Variants in ATXN1 observed in about 807,000 individuals in gnomAD.
The protein encoded by ATXN1 is ataxin 1.
In ATXN1, 8 loss-of-function variants were observed where a neutral mutation model predicts 56.4. The observed-to-expected ratio is 0.14, with a 90% confidence interval of 0.08 to 0.26. The LOEUF (loss-of-function observed/expected upper bound fraction) is 0.26. ATXN1 is among the 10% of genes least tolerant of loss of function. The pLI is 1.00. For synonymous variants in ATXN1, 514 were observed against 494.6 expected (o/e 1.04, Z -0.52); for missense variants, 987 against 1,106.5 (o/e 0.89, Z 1.53).
At chr6:16,640,176 A>G (rs1417294004) in intron 3 of ATXN1, among the ~76,000 whole-genome samples, 3 of 152,176 alleles carry the variant, frequency 2.0e-5, no homozygotes, top group African/African-American at 4.8e-5. Context: ...TCGGTAATAC[A>G]GTATTTCAAA....
At chr6:16,523,031 A>G (rs1322383812) in intron 4 of ATXN1, among the ~76,000 whole-genome samples, 1 of 152,092 alleles carries the variant, frequency 6.6e-6, no homozygotes, top group Non-Finnish European at 1.5e-5. Flanking sequence ...CATGCCCACC[A>G]TGATGCTTAT....
intron 6 of ATXN1, among the ~76,000 whole-genome samples, chr6:16,348,674 G>A (rs189105212): frequency 1.1e-4 from 17 of 151,928 alleles, no homozygotes; most frequent in African/African-American, 3.9e-4. Context: ...TAGCCTGGGC[G>A]ACAGGAGTGA....
intron 6 of ATXN1, among the ~76,000 whole-genome samples, chr6:16,465,722 G>A (rs1760091687): frequency 6.6e-6 from 1 of 152,062 alleles, no homozygotes; most frequent in African/African-American, 2.4e-5. Context: ...GTAAAGATAG[G>A]TGCATCAAAG....
chr6:16,422,178 T>G (rs1474000583), intron 6 of ATXN1, among the ~76,000 whole-genome samples: 1 of 152,176 alleles, frequency 6.6e-6, no homozygotes, highest in East Asian at 1.9e-4. Flanking sequence ...ATTTTGAGGT[T>G]TCAGAGACAG....
At chr6:16,492,233 A>G (rs12333014) in intron 5 of ATXN1, among the ~76,000 whole-genome samples, 1 of 150,168 alleles carries the variant, frequency 6.7e-6, no homozygotes, top group Admixed American at 6.6e-5. Context: ...ATGAGAACAC[A>G]TGGACACAGG....
intron 3 of ATXN1, among the ~76,000 whole-genome samples, chr6:16,607,973 T>A (rs780791780): frequency 6.6e-6 from 1 of 152,178 alleles, no homozygotes; most frequent in South Asian, 2.1e-4. Flanking sequence ...TATAATCTTG[T>A]TAGTAAATGA....
intron 2 of ATXN1, among the ~76,000 whole-genome samples, chr6:16,676,137 T>C (rs765685874): frequency 4.6e-5 from 7 of 152,140 alleles, no homozygotes; most frequent in African/African-American, 1.4e-4. Flanking sequence ...TAGTATTACA[T>C]TGGTAAGTGT....
intron 6 of ATXN1, among the ~76,000 whole-genome samples, chr6:16,422,154 C>T (rs945427077): frequency 2.6e-5 from 4 of 152,058 alleles, no homozygotes; most frequent in African/African-American, 9.7e-5. Flanking sequence ...TGTTATCCTT[C>T]GAGAGGGCCA....
At chr6:16,593,289 G>A (rs1762756831) in intron 3 of ATXN1, among the ~76,000 whole-genome samples, 1 of 152,142 alleles carries the variant, frequency 6.6e-6, no homozygotes, top group South Asian at 2.1e-4. Flanking sequence ...GTCAGAAGCA[G>A]ACCTTCTAAT....
intron 7 of ATXN1, among the ~76,000 whole-genome samples, chr6:16,310,429 G>T (rs950347241): frequency 4.6e-5 from 7 of 152,178 alleles, no homozygotes; most frequent in African/African-American, 1.7e-4. Flanking sequence ...GTAGATACAT[G>T]GTGAATCTGA....
intron 6 of ATXN1, among the ~76,000 whole-genome samples, chr6:16,423,657 C>T (rs964924631): frequency 6.6e-6 from 1 of 152,192 alleles, no homozygotes; most frequent in Non-Finnish European, 1.5e-5. Flanking sequence ...GCCTTGATTA[C>T]AGGCTCTCAA....
At chr6:16,745,524 G>C (rs1477524148) in intron 2 of ATXN1, among the ~76,000 whole-genome samples, 1 of 152,124 alleles carries the variant, frequency 6.6e-6, no homozygotes, top group Admixed American at 6.5e-5. Context: ...ACATAAAAAT[G>C]AACTTGATTT....
At position 16,328,493 on chromosome 6, in the gene ATXN1, G is replaced by C; in HGVS notation, c.-160-23C>G. The C allele has an allele frequency of 8.8e-7, 1 of 1,138,526 alleles. No individual in the cohort carries two copies. The highest frequency in any genetic ancestry group is 1.1e-6 in the Non-Finnish European group (1 of 880,170). 70.5% of individuals were successfully genotyped at this position (1,138,526 alleles called of 1,614,324 possible). On this transcript the variant is annotated intron_variant, in intron 6 of 7. Transcript: ENST00000436367. The surrounding 1 kb of genome is among the most constrained non-coding windows in gnomAD (Gnocchi z 6.2). ...ATGCTGGGAAAGGGAAGAGGGCAGT[G>C]ACAAAGGGAAAAGGAAAGGGAGGAG... is the stretch of plus-strand genomic sequence containing the variant.
intron 1 of ATXN1, among the ~76,000 whole-genome samples, chr6:16,758,668 T>C (rs1284054199): frequency 6.6e-6 from 1 of 152,236 alleles, no homozygotes; most frequent in Non-Finnish European, 1.5e-5. Context: ...CGAGGAACAC[T>C]GTCTGTTGCC....
In ATXN1 at chr6:16,686,553, C is replaced by T. The variant is rs146805501; in HGVS notation, c.-614-28652G>A. ...ATAGAAGGGAATTACTTAGGACATGCGGATGTCCCTAAAATAAAGATTCTT... is the reference window on the plus strand; with the variant it reads ...ATAGAAGGGAATTACTTAGGACATGTGGATGTCCCTAAAATAAAGATTCTT... On this transcript the variant is annotated intron_variant, in intron 2 of 7. Coordinates refer to ENST00000436367, the MANE Select transcript of ATXN1 (RefSeq NM_001128164.2). Among the ~76,000 whole-genome samples, 780 of 152,206 alleles carry T rather than the reference C, an allele frequency of 5.1e-3. 7 individuals carry two copies. The highest frequency in any genetic ancestry group is 4.7e-3 in the Non-Finnish European group (318 of 68,016).
chr6:16,430,217 C>T (rs1030795656), intron 6 of ATXN1, among the ~76,000 whole-genome samples: 5 of 152,014 alleles, frequency 3.3e-5, no homozygotes, highest in South Asian at 2.1e-4. Flanking sequence ...TCCAAGATGT[C>T]GCGAGTCCCT....
chr6:16,451,524 G>A (rs1759752534), intron 6 of ATXN1, among the ~76,000 whole-genome samples: 1 of 152,182 alleles, frequency 6.6e-6, no homozygotes. Flanking sequence ...GGGAGGCCAA[G>A]GCCGGCAGAT....
chr6:16,697,260 C>T (rs748966295), intron 2 of ATXN1, among the ~76,000 whole-genome samples: 3 of 152,144 alleles, frequency 2.0e-5, no homozygotes, highest in Non-Finnish European at 2.9e-5. Flanking sequence ...ATTAAGGACA[C>T]AAAAATTCTA....
intron 2 of ATXN1, among the ~76,000 whole-genome samples, chr6:16,659,493 T>C (rs1359238067): frequency 6.6e-6 from 1 of 152,256 alleles, no homozygotes; most frequent in Non-Finnish European, 1.5e-5. Flanking sequence ...TCTTATTTGT[T>C]ACCAACTTCA....
Sources: allele counts gnomAD v4.1 joint callset (sites outside exome capture counted in the v4.1 genomes callset), GRCh38; gene constraint gnomAD v4.1.1; non-coding constraint Gnocchi (gnomAD v3.1); transcripts MANE v1.5; gene names NCBI Gene and HGNC (gene_info 2026-07-23, HGNC 2026-07-21).